Variants in TBCK observed in about 807,000 individuals in gnomAD.
TBCK encodes TBC domain-containing protein kinase-like protein.
TBCK carries 99 observed loss-of-function variants against 113.4 expected under a neutral mutation model. The observed-to-expected ratio is 0.87, with a 90% CI of 0.74 to 1.03. The LOEUF (loss-of-function observed/expected upper bound fraction) is 1.03, where lower values mean the gene tolerates loss of function less well. Among genes scored for constraint, TBCK ranks in the 50% least tolerant of loss-of-function variants. TBCK has a pLI of 0.00. For missense variants in TBCK, 1,045 were observed against 1,061.3 expected (o/e 0.98, Z 0.21); for synonymous variants, 369 against 370.8 (o/e 1.00, Z 0.05).
chr4:106,229,834 C>A (rs1758659092), intron 19 of TBCK, among the ~76,000 whole-genome samples: 1 of 151,642 alleles, frequency 6.6e-6, no homozygotes, highest in Non-Finnish European at 1.5e-5. Flanking sequence ...AATTATAGTA[C>A]AAGTTTGAAT....
chr4:106,137,581 G>A (rs1400763151), intron 23 of TBCK, among the ~76,000 whole-genome samples: 2 of 140,590 alleles, frequency 1.4e-5, no homozygotes, highest in Admixed American at 1.4e-4. Context: ...ACATTTTCAA[G>A]TTTTCATTTC....
At chr4:106,257,708 A>C (rs1329889951) in intron 5 of TBCK, among the ~76,000 whole-genome samples, 2 of 152,088 alleles carry the variant, frequency 1.3e-5, no homozygotes, top group Admixed American at 1.3e-4. Flanking sequence ...AGTCTAGTGG[A>C]AGCAGCACTA....
chr4:106,295,071 A>G (rs1435699164), intron 3 of TBCK, 23 bp downstream of exon 3: 5 of 1,545,158 alleles, frequency 3.2e-6, no homozygotes, highest in Middle Eastern at 1.7e-4. Flanking sequence ...TTTTCATTTA[A>G]TTGTTCTGAT....
chr4:106,161,343 C>T (rs565557025), intron 23 of TBCK, among the ~76,000 whole-genome samples: 32 of 152,178 alleles, frequency 2.1e-4, no homozygotes, highest in East Asian at 3.9e-4. Flanking sequence ...TTAGAATTCA[C>T]GGAGAACAAG....
intron 23 of TBCK, among the ~76,000 whole-genome samples, chr4:106,139,356 TATC>T (rs2149647398): frequency 7.0e-6 from 1 of 142,154 alleles, no homozygotes; most frequent in South Asian, 2.4e-4. Context: ...ATTCAGCTAA[TATC>T]ATGCATCAGC....
At chr4:106,316,356 CG>C (rs538568279), upstream of TBCK, 652 of 579,020 alleles carry the variant, frequency 1.1e-3, 1 homozygote, top group Non-Finnish European at 1.6e-3. Context: ...TGCGGGGGGA[CG>C]GGGGGGGTCG....
upstream of TBCK, chr4:106,316,430 G>T: frequency 9.6e-7 from 1 of 1,037,274 alleles, no homozygotes; most frequent in South Asian, 1.4e-5. Flanking sequence ...TAATGGGACT[G>T]AGCACAGGAA....
chr4:106,190,674 C>A (rs191183404), intron 22 of TBCK, among the ~76,000 whole-genome samples: 142 of 152,304 alleles, frequency 9.3e-4, no homozygotes, highest in African/African-American at 3.3e-3. Flanking sequence ...TCACCAGATT[C>A]TTGTCCTACT....
chr4:106,164,695 T>A (rs949724118), intron 23 of TBCK, among the ~76,000 whole-genome samples: 5 of 151,734 alleles, frequency 3.3e-5, no homozygotes, highest in Non-Finnish European at 7.4e-5. Context: ...AAATAATGTA[T>A]CTGGGTACCT....
At chr4:106,091,103 T>A (rs1221743472) in intron 25 of TBCK, among the ~76,000 whole-genome samples, 1 of 152,176 alleles carries the variant, frequency 6.6e-6, no homozygotes, top group Non-Finnish European at 1.5e-5. Context: ...GGGCAATCTA[T>A]TAAAAAAAGA....
Position 106,230,858 on chromosome 4 carries a change from A to G in TBCK, c.1691-412T>C, listed in dbSNP as rs142209762. 5.0e-3 allele frequency among the ~76,000 whole-genome samples: 762 copies of G among 151,962 alleles called. 4 individuals carry two copies. Among genetic ancestry groups the G allele is most frequent in the African/African-American group, 0.018 (733 of 41,544 alleles). ...GAATAGTGTTATAATTCACATTTTCAAACACAGACCCCTGACTATGTTTGG... is the reference window on the plus strand; with the variant it reads ...GAATAGTGTTATAATTCACATTTTCGAACACAGACCCCTGACTATGTTTGG... On this transcript the variant is annotated intron_variant, in intron 18 of 25. Transcript: ENST00000394708.
At chr4:106,313,911 C>T (rs985878508) in intron 1 of TBCK, among the ~76,000 whole-genome samples, 3 of 152,134 alleles carry the variant, frequency 2.0e-5, no homozygotes, top group Non-Finnish European at 4.4e-5. Context: ...GCATATTTTG[C>T]CCTTGGCAGG....
chr4:106,167,225 T>C (rs1238175827), intron 23 of TBCK, among the ~76,000 whole-genome samples: 2 of 147,788 alleles, frequency 1.4e-5, no homozygotes, highest in Non-Finnish European at 3.0e-5. Context: ...TATATATATA[T>C]ACAATTGGTT....
At chr4:106,243,644 C>T (rs1186518594) in intron 11 of TBCK, among the ~76,000 whole-genome samples, 1 of 151,874 alleles carries the variant, frequency 6.6e-6, no homozygotes, top group Non-Finnish European at 1.5e-5. Flanking sequence ...ATGACTTCTA[C>T]AGTTGCCTAC....
At chr4:106,118,581 A>AT (rs1407810935) in intron 23 of TBCK, among the ~76,000 whole-genome samples, 1 of 152,254 alleles carries the variant, frequency 6.6e-6, no homozygotes, top group South Asian at 2.1e-4. Context: ...CTCTACAGGT[A>AT]TTTTTTCCAG....
At chr4:106,154,397 T>C (rs1269112057) in intron 23 of TBCK, among the ~76,000 whole-genome samples, 1 of 152,168 alleles carries the variant, frequency 6.6e-6, no homozygotes, top group Non-Finnish European at 1.5e-5. Context: ...CCTGTTTATA[T>C]CTTAAAGTAC....
At chr4:106,156,753 C>G (rs1030211102) in intron 23 of TBCK, among the ~76,000 whole-genome samples, 8 of 152,118 alleles carry the variant, frequency 5.3e-5, no homozygotes, top group Non-Finnish European at 1.0e-4. Context: ...CTGGGACTCA[C>G]TCTTCAGTGT....
intron 23 of TBCK, among the ~76,000 whole-genome samples, chr4:106,124,577 A>G (rs1711658591): frequency 6.6e-6 from 1 of 152,144 alleles, no homozygotes; most frequent in African/African-American, 2.4e-5. Flanking sequence ...CATTATTCAC[A>G]ATAGCAAAGA....
rs368371978 is a variant in TBCK, at chr4:106,096,234, T to C, written c.2412-593A>G. On this transcript the variant is annotated intron_variant, in intron 24 of 25. Coordinates refer to ENST00000394708, the MANE Select transcript of TBCK (RefSeq NM_001163435.3). ...ATTTCTAATTATTCAATATTCCCAA[T>C]TGCAGTTTTCCTGAAGAGTAATGAC... Among the ~76,000 whole-genome samples, 337 of 152,318 alleles carry C rather than the reference T, an allele frequency of 2.2e-3. 2 individuals carry two copies. Among genetic ancestry groups the C allele is most frequent in the African/African-American group, 7.1e-3 (294 of 41,576 alleles).
Sources: gnomAD v4.1 joint callset for allele counts (sites outside exome capture counted in the v4.1 genomes callset) on GRCh38, gnomAD v4.1.1 for gene constraint, MANE v1.5 for transcripts, NCBI Gene and HGNC (gene_info 2026-07-23, HGNC 2026-07-21) for gene names.